Variants in ARMC1 observed in about 807,000 individuals in gnomAD.
ARMC1 encodes the protein armadillo repeat-containing protein 1.
ARMC1 carries 16 observed loss-of-function variants against 31.4 expected under a neutral mutation model. The ratio of observed to expected loss-of-function variants is 0.51; its 90% CI spans 0.34 to 0.77. The LOEUF is 0.77. ARMC1 is among the 30% of genes least tolerant of loss of function. The pLI, the probability that ARMC1 is intolerant of heterozygous loss-of-function variation, is 0.01. For synonymous variants in ARMC1, 114 were observed against 118.9 expected (o/e 0.96, Z 0.27); for missense variants, 259 against 347.5 (o/e 0.75, Z 2.02).
At chr8:65,617,268 T>C (rs568585701) in intron 3 of ARMC1, among the ~76,000 whole-genome samples, 8 of 152,380 alleles carry the variant, frequency 5.3e-5, no homozygotes, top group African/African-American at 1.9e-4. Flanking sequence ...CATTTTGTTC[T>C]ATACTAAGAA....
intron 3 of ARMC1, among the ~76,000 whole-genome samples, chr8:65,614,679 G>A (rs761964935): frequency 1.6e-4 from 24 of 152,106 alleles, no homozygotes; most frequent in Non-Finnish European, 2.9e-4. Flanking sequence ...TATTCTTTGG[G>A]TTGACTATGA....
chr8:65,611,564 C>A (rs4392943), intron 4 of ARMC1, among the ~76,000 whole-genome samples: 6,312 of 151,934 alleles, frequency 0.042, 194 homozygotes, highest in Non-Finnish European at 0.063. Flanking sequence ...ACCTTGAACT[C>A]TTGGGATCCA....
chr8:65,629,489 T>A (rs1353033878), intron 1 of ARMC1, among the ~76,000 whole-genome samples: 1 of 152,086 alleles, frequency 6.6e-6, no homozygotes, highest in Non-Finnish European at 1.5e-5. Context: ...TTGCACAAGA[T>A]GGTGAATATA....
chr8:65,606,776 T>C lies in ARMC1; in HGVS notation c.466-1238A>G, dbSNP rs538594110. Among the ~76,000 whole-genome samples the C allele has an allele frequency of 5.3e-5, 8 of 152,320 alleles. No individual in the cohort carries two copies. In the East Asian group the frequency reaches 1.2e-3, roughly 22 times the overall value. On this transcript the variant is annotated intron_variant, in intron 4 of 6. Coordinates refer to ENST00000276569, the MANE Select transcript of ARMC1 (RefSeq NM_018120.6). ...TTCAAACCTCAGAAGACTATTCTCA[T>C]CACTTTAGCCATCACTAACATTACT... is the stretch of plus-strand genomic sequence containing the variant.
intron 3 of ARMC1, among the ~76,000 whole-genome samples, chr8:65,619,754 C>T (rs1036926069): frequency 6.6e-6 from 1 of 151,838 alleles, no homozygotes; most frequent in Non-Finnish European, 1.5e-5. Context: ...GAGGCTGAGA[C>T]GGGCGGATCA....
chr8:65,629,181 A>G (rs2129044385), intron 1 of ARMC1, among the ~76,000 whole-genome samples: 1 of 152,106 alleles, frequency 6.6e-6, no homozygotes, highest in South Asian at 2.1e-4. Context: ...AAAGAAAGAA[A>G]ATGTGATATA....
At chr8:65,607,136 T>G (rs1344453569) in intron 4 of ARMC1, among the ~76,000 whole-genome samples, 1 of 152,240 alleles carries the variant, frequency 6.6e-6, no homozygotes, top group Non-Finnish European at 1.5e-5. Flanking sequence ...ATTTCAACAC[T>G]ACTCAGGGAG....
chr8:65,606,727 T>A (rs1808013647), intron 4 of ARMC1, among the ~76,000 whole-genome samples: 1 of 152,166 alleles, frequency 6.6e-6, no homozygotes, highest in Admixed American at 6.5e-5. Flanking sequence ...CAAAGTCCAG[T>A]TCCTAAACTG....
At chr8:65,615,400 T>TAAAAA (rs10612716) in intron 3 of ARMC1, among the ~76,000 whole-genome samples, 1 of 140,062 alleles carries the variant, frequency 7.1e-6, no homozygotes, top group Non-Finnish European at 1.5e-5. Flanking sequence ...GAACTTAAGT[T>TAAAAA]AAAAAAAAAA....
At position 65,618,018 on chromosome 8, in the gene ARMC1, C is replaced by T. The variant is rs573585858; in HGVS notation, c.275+4245G>A. ...GCCACCTCCACCTCCCGGGTTCAAGCGATTTTCCTGTCTCAGCCCCGTGAG... is the reference window on the plus strand; with the variant it reads ...GCCACCTCCACCTCCCGGGTTCAAGTGATTTTCCTGTCTCAGCCCCGTGAG... On this transcript the variant is annotated intron_variant, in intron 3 of 6. Coordinates refer to ENST00000276569, the MANE Select transcript of ARMC1 (RefSeq NM_018120.6). 1.1e-4 allele frequency among the ~76,000 whole-genome samples: 17 copies of T among 152,086 alleles called. No individual in the cohort carries two copies. In the South Asian group the frequency reaches 2.3e-3, roughly 20 times the overall value.
chr8:65,629,798 CA>C (rs56044753), intron 1 of ARMC1, among the ~76,000 whole-genome samples: 2,722 of 101,260 alleles, frequency 0.027, 82 homozygotes, highest in African/African-American at 0.09. Context: ...GACTCCGTCT[CA>C]AAAAAAAAAA....
intron 2 of ARMC1, among the ~76,000 whole-genome samples, chr8:65,622,787 G>A (rs139014485): frequency 0.019 from 2,860 of 151,874 alleles, 28 homozygotes; most frequent in African/African-American, 0.026. Context: ...ACTTTGGGAG[G>A]CTGAGGTGGG....
chr8:65,610,090 G>C (rs2129041351), intron 4 of ARMC1, among the ~76,000 whole-genome samples: 1 of 133,960 alleles, frequency 7.5e-6, no homozygotes, highest in Non-Finnish European at 1.7e-5. Context: ...TAAAAATATA[G>C]ACAAAATTAA....
intron 2 of ARMC1, among the ~76,000 whole-genome samples, chr8:65,623,324 A>AAAAAAAAC (rs1554541796): frequency 2.8e-5 from 4 of 144,438 alleles, no homozygotes; most frequent in Admixed American, 7.0e-5. Context: ...AAAAAAAAAA[A>AAAAAAAAC]TGCTGGGCGC....
Position 65,604,183 on chromosome 8 carries a change from T to G in ARMC1, c.*211A>C. 4.4e-6 allele frequency: 2 copies of G among 458,026 alleles called. No homozygotes were observed. The highest frequency in any genetic ancestry group is 7.7e-6 in the Non-Finnish European group (2 of 260,052). The allele number at this position is 458,026 out of a possible 1,614,324, so 28.4% of individuals were successfully genotyped here. A position where few individuals can be genotyped will look rare whatever the true frequency, so the allele number is the denominator to read the frequency against. On this transcript the variant is annotated 3_prime_UTR_variant, in exon 7 of 7. Coordinates refer to ENST00000276569, the MANE Select transcript of ARMC1 (RefSeq NM_018120.6). ...TGAAAGAAAACAAACCAAAATACTT[T>G]CATAAACAAAGCAACTCCATCTGTA... is the stretch of plus-strand genomic sequence containing the variant.
At chr8:65,604,932 A>G (rs1338626393) in intron 6 of ARMC1, among the ~76,000 whole-genome samples, 1 of 152,238 alleles carries the variant, frequency 6.6e-6, no homozygotes. Context: ...TGAAAAGAGT[A>G]GCAACAGACA....
At chr8:65,605,142 C>G (rs1807975102) in intron 6 of ARMC1, 121 bp downstream of exon 6, 1 of 803,048 alleles carries the variant, frequency 1.2e-6, no homozygotes, top group East Asian at 2.7e-5. Context: ...TAACTGTTAA[C>G]CAAGAAACAG....
chr8:65,632,544 C>T (rs1358736302), intron 1 of ARMC1, among the ~76,000 whole-genome samples: 8 of 151,994 alleles, frequency 5.3e-5, no homozygotes, highest in Admixed American at 6.6e-5. Flanking sequence ...AACCGGGAGG[C>T]GGAACTTGCA....
intron 3 of ARMC1, among the ~76,000 whole-genome samples, chr8:65,618,770 G>A (rs1808330940): frequency 1.3e-5 from 2 of 152,068 alleles, no homozygotes; most frequent in African/African-American, 4.8e-5. Context: ...TCGGGCCGGG[G>A]CGGTGGTTTA....
Sources: allele counts gnomAD v4.1 joint callset (sites outside exome capture counted in the v4.1 genomes callset), GRCh38; gene constraint gnomAD v4.1.1; transcripts MANE v1.5; gene names NCBI Gene and HGNC (gene_info 2026-07-23, HGNC 2026-07-21).